Variants in EXD1 observed in about 807,000 individuals in gnomAD.
The protein encoded by EXD1 is exonuclease 3'-5' domain containing 1.
In EXD1, 63 loss-of-function variants were observed where a neutral mutation model predicts 49.1. The observed-to-expected ratio is 1.28, with a 90% CI of 1.05 to 1.58. The LOEUF is 1.58. Among genes scored for constraint, EXD1 ranks in the 40% most tolerant of loss-of-function variants. EXD1 has a pLI of 0.00. For synonymous variants in EXD1, 234 were observed against 239.2 expected, an observed-to-expected ratio of 0.98 and a Z score of 0.20; for missense variants, 748 against 666.0, an observed-to-expected ratio of 1.12 and a Z score of -1.36.
At chr15:41,210,335 C>A (rs988730463) in intron 6 of EXD1, among the ~76,000 whole-genome samples, 4 of 152,146 alleles carry the variant, frequency 2.6e-5, no homozygotes, top group African/African-American at 9.7e-5. Context: ...ATCCACTGCT[C>A]AGAAAGACAG....
At chr15:41,213,303 G>T (rs2046950291) in intron 6 of EXD1, among the ~76,000 whole-genome samples, 1 of 151,898 alleles carries the variant, frequency 6.6e-6, no homozygotes, top group Non-Finnish European at 1.5e-5. Context: ...CTGGGTTCAA[G>T]CAATTCTCCT....
intron 2 of EXD1, among the ~76,000 whole-genome samples, chr15:41,220,999 T>C (rs2047080470): frequency 6.6e-6 from 1 of 152,132 alleles, no homozygotes; most frequent in Non-Finnish European, 1.5e-5. Flanking sequence ...TAAGCCACCG[T>C]GCCCAGCCTC....
At chr15:41,202,368 G>C (rs1490494656) in intron 7 of EXD1, among the ~76,000 whole-genome samples, 1 of 151,556 alleles carries the variant, frequency 6.6e-6, no homozygotes, top group Non-Finnish European at 1.5e-5. Context: ...GTAGAAACAG[G>C]GTTTTGCCAT....
chr15:41,226,600 T>C lies in EXD1; in HGVS notation c.-25A>G. 3 of 1,527,402 alleles carry C rather than the reference T, an allele frequency of 2.0e-6. No individual in the cohort carries two copies. Among genetic ancestry groups the C allele is most frequent in the Non-Finnish European group, 2.6e-6 (3 of 1,142,558 alleles). 94.6% of individuals were successfully genotyped at this position (1,527,402 alleles called of 1,614,324 possible). On this transcript the variant is annotated 5_prime_UTR_variant, in exon 2 of 12. The change abolishes the stop of an existing upstream ORF in the 5' untranslated region. Transcript: ENST00000458580. ...TGCTAATTGATTCCAAAAGCCGTCT[T>C]CAAATAATCTTCTTTAAGCATCCAA...
intron 4 of EXD1, 70 bp downstream of exon 4, chr15:41,217,027 G>T: frequency 7.0e-7 from 1 of 1,423,500 alleles, no homozygotes; most frequent in South Asian, 1.2e-5. Flanking sequence ...TGGTGAATTA[G>T]AGTTAAGGCT....
intron 7 of EXD1, among the ~76,000 whole-genome samples, chr15:41,207,423 G>A (rs528964103): frequency 9.9e-5 from 15 of 151,282 alleles, no homozygotes; most frequent in African/African-American, 2.9e-4. Flanking sequence ...CTGTAATCTC[G>A]GCTACTCGGG....
chr15:41,203,510 C>G (rs778129986), intron 7 of EXD1, among the ~76,000 whole-genome samples: 3 of 152,158 alleles, frequency 2.0e-5, no homozygotes, highest in Admixed American at 6.6e-5. Flanking sequence ...TGACCTTCAG[C>G]CCTGCTGTCT....
chr15:41,215,930 T>G, intron 5 of EXD1, 97 bp from the exon 6 acceptor site: 1 of 1,244,682 alleles, frequency 8.0e-7, no homozygotes, highest in Admixed American at 1.7e-5. Context: ...CCTACTGTAT[T>G]GCAACTCAAA....
intron 7 of EXD1, among the ~76,000 whole-genome samples, chr15:41,198,746 C>T (rs2046657619): frequency 6.6e-6 from 1 of 151,672 alleles, no homozygotes; most frequent in African/African-American, 2.4e-5. Flanking sequence ...GTTCTTGTTG[C>T]CCAGGCTGCA....
intron 11 of EXD1, among the ~76,000 whole-genome samples, chr15:41,189,723 A>G (rs1034738612): frequency 6.0e-5 from 9 of 148,918 alleles, no homozygotes; most frequent in Non-Finnish European, 1.0e-4. Flanking sequence ...TATTAAACTT[A>G]CCCATTCTTA....
chr15:41,186,470 C>CAAAAAAAAAAAAAAAAAA (rs58793050), intron 11 of EXD1, among the ~76,000 whole-genome samples: 6 of 68,266 alleles, frequency 8.8e-5, no homozygotes, highest in Admixed American at 4.5e-4. Context: ...GACTCTGTCT[C>CAAAAAAAAAAAAAAAAAA]AAAAAAAAAA....
intron 7 of EXD1, among the ~76,000 whole-genome samples, chr15:41,204,490 G>A (rs966003319): frequency 4.9e-4 from 75 of 152,278 alleles, no homozygotes; most frequent in African/African-American, 1.7e-3. Flanking sequence ...GATGGAGGCT[G>A]CAGTGAGCCA....
Position 41,195,773 on chromosome 15 carries a change from A to G in EXD1, c.720+2T>C, listed in dbSNP as rs200223905. On this transcript the variant is annotated splice_donor_variant, in intron 9 of 11. Transcript: ENST00000458580. LOFTEE classifies it high-confidence loss of function. Reference sequence around the variant, plus strand: ...TTGAATCCAGTGCTTCCCTTCATGTACCTGTGTGTCAAAGACATTATTCAG... The same window carrying G: ...TTGAATCCAGTGCTTCCCTTCATGTGCCTGTGTGTCAAAGACATTATTCAG... 4.3e-6 allele frequency: 7 copies of G among 1,611,018 alleles called. No individual in the cohort carries two copies. Among genetic ancestry groups the G allele is most frequent in the Non-Finnish European group, 2.5e-6 (3 of 1,178,864 alleles).
In EXD1 at chr15:41,209,519, G is replaced by A; in HGVS notation, c.516C>T (p.Gly172=). Residue 172 remains glycine (G), a synonymous_variant, in exon 7 of 12, where the codon GGC becomes GGT. Transcript: ENST00000458580. ...CTTTCACCTGCAGCCAGCACAGTTT[G>A]CCATGGCGACATACATTCGCTCCTT... ...AAEGANVCRH[G]KLCWLQVATN... 1 of 1,614,132 alleles carries A rather than the reference G, an allele frequency of 6.2e-7. No individual in the cohort carries two copies. Among genetic ancestry groups the A allele is most frequent in the Non-Finnish European group, 8.5e-7 (1 of 1,180,004 alleles).
chr15:41,201,001 G>T (rs1221282027), intron 7 of EXD1, among the ~76,000 whole-genome samples: 4 of 151,710 alleles, frequency 2.6e-5, no homozygotes, highest in African/African-American at 9.7e-5. Flanking sequence ...AGCCTCCCAA[G>T]TAGTTGGGGT....
chr15:41,210,072 C>T (rs1289108554), intron 6 of EXD1, among the ~76,000 whole-genome samples: 3 of 152,068 alleles, frequency 2.0e-5, no homozygotes, highest in Non-Finnish European at 4.4e-5. Flanking sequence ...TGCACCACCA[C>T]GCCCAGCTAA....
rs978252198 is a variant in EXD1, at chr15:41,183,433, G to A, written c.*498C>T. The A allele has an allele frequency of 6.6e-6, 1 of 152,160 alleles. No homozygotes were observed. The highest frequency in any genetic ancestry group is 2.4e-5 in the African/African-American group (1 of 41,374). 9.4% of individuals were successfully genotyped at this position (152,160 alleles called of 1,614,324 possible). On this transcript the variant is annotated 3_prime_UTR_variant, in exon 12 of 12. Transcript: ENST00000458580. ...TGGTTACTCTGGGCACACTGCCTATGGTGTAGCCCTGCTCCACAAGGAGCG... is the reference window on the plus strand; with the variant it reads ...TGGTTACTCTGGGCACACTGCCTATAGTGTAGCCCTGCTCCACAAGGAGCG...
At position 41,192,594 on chromosome 15, in the gene EXD1, ATTTTTTTTTTTTTT is replaced by A. The variant is rs59054803; in HGVS notation, c.721-1023_721-1010del. On this transcript the variant is annotated intron_variant, in intron 9 of 11. Coordinates refer to ENST00000458580, the MANE Select transcript of EXD1 (RefSeq NM_001286441.2). Reference sequence around the variant, plus strand: ...ACAGGCGTGAACCACTGCGCCAGGCATTTTTTTTTTTTTTTTTTTTTTTTTTTTTTTTTTTTTTG... The same window carrying A: ...ACAGGCGTGAACCACTGCGCCAGGCATTTTTTTTTTTTTTTTTTTTTTTTG... Among the ~76,000 whole-genome samples, 250 of 40,844 alleles carry A rather than the reference ATTTTTTTTTTTTTT, an allele frequency of 6.1e-3. 1 individual carries two copies. The highest frequency in any genetic ancestry group is 0.016 in the African/African-American group (213 of 13,472). 26.8% of individuals were successfully genotyped at this position (40,844 alleles called of 152,430 possible).
At chr15:41,188,485 T>G (rs1050151607) in intron 11 of EXD1, among the ~76,000 whole-genome samples, 3 of 149,574 alleles carry the variant, frequency 2.0e-5, no homozygotes, top group African/African-American at 7.4e-5. Context: ...CCCTACCTCC[T>G]GGGTTCAAAC....
Sources: allele counts gnomAD v4.1 joint callset (sites outside exome capture counted in the v4.1 genomes callset), GRCh38; gene constraint gnomAD v4.1.1; transcripts MANE v1.5; gene names NCBI Gene and HGNC (gene_info 2026-07-23, HGNC 2026-07-21).